PARP1: variants seen among roughly 807,000 people sequenced by gnomAD.
PARP1 encodes the protein poly(ADP-ribose) polymerase 1, also known as poly [ADP-ribose] polymerase 1.
PARP1 carries 44 observed loss-of-function variants against 118.7 expected under a neutral mutation model. That is an observed-to-expected ratio of 0.37 (90% confidence interval 0.29 to 0.48). PARP1 has a LOEUF of 0.48. PARP1 is among the 20% of genes least tolerant of loss of function. The pLI is 0.99. For missense variants in PARP1, 1,100 were observed against 1,272.4 expected, an observed-to-expected ratio of 0.86 and a Z score of 2.06; for synonymous variants, 492 against 483.2, an observed-to-expected ratio of 1.02 and a Z score of -0.24.
In PARP1 at chr1:226,402,203, T is replaced by C. The variant is rs1473721590; in HGVS notation, c.286+11A>G. 6.2e-7 allele frequency: 1 copy of C among 1,614,046 alleles called. No individual in the cohort carries two copies. On this transcript the variant is annotated intron_variant, in intron 2 of 22. Coordinates refer to ENST00000366794, the MANE Select transcript of PARP1 (RefSeq NM_001618.4). ...GGGCTGAATGCCCATGCTGCCCCAG[T>C]ATGTACACACCTGTCACTCCTCCAG...
chr1:226,390,504 C>G lies in PARP1; in HGVS notation c.523G>C (p.Glu175Gln), dbSNP rs765820369. ...CCCTTGAGCTGACTCGCACTGTACT[C>G]GGGCCGGAAACCCAGCTCCTCCCTG... ...KNREELGFRP[E>Q]YSASQLKGFS... Residue 175 changes from glutamate (E) to glutamine (Q), a missense_variant, in exon 4 of 23, where the codon GAG becomes CAG. By Grantham distance (29) the Glu-to-Gln change is conservative. Transcript: ENST00000366794. The G allele has an allele frequency of 1.2e-6, 2 of 1,614,082 alleles. No individual in the cohort carries two copies. The highest frequency in any genetic ancestry group is 2.7e-5 in the African/African-American group (2 of 74,920).
rs749448195 is a variant in PARP1, at chr1:226,390,529, G to A, written c.498C>T (p.Asn166=). 2.5e-6 allele frequency: 4 copies of A among 1,614,072 alleles called. No individual in the cohort carries two copies. In the African/African-American group the frequency reaches 4.0e-5, roughly 16 times the overall value. Residue 166 remains asparagine, a synonymous_variant, in exon 4 of 23, where the codon AAC becomes AAT. Transcript: ENST00000366794. ...CGGGCCGGAAACCCAGCTCCTCCCT[G>A]TTCTTGACAAAGCAGCCTGGATGGT... ...RWYHPGCFVK[N]REELGFRPEY...
At position 226,390,160 on chromosome 1, in the gene PARP1, A is replaced by T. The variant is rs1473335628; in HGVS notation, c.617+250T>A. 2.6e-5 allele frequency among the ~76,000 whole-genome samples: 4 copies of T among 152,166 alleles called. No individual in the cohort carries two copies. The East Asian group carries it at 7.7e-4, about 29-fold the overall frequency. ...GGAGCTCAGATGTTGGAAGGGGAATAGACCACCAGGAAGCAGGTCTCACAG... is the reference window on the plus strand; with the variant it reads ...GGAGCTCAGATGTTGGAAGGGGAATTGACCACCAGGAAGCAGGTCTCACAG... On this transcript the variant is annotated intron_variant, in intron 4 of 22. Coordinates refer to ENST00000366794, the MANE Select transcript of PARP1 (RefSeq NM_001618.4).
chr1:226,404,080 A>G (rs535329120), intron 1 of PARP1, among the ~76,000 whole-genome samples: 1 of 152,310 alleles, frequency 6.6e-6, no homozygotes, highest in East Asian at 1.9e-4. Context: ...GCACTCCCTC[A>G]GATCTCCCAA....
Position 226,408,092 on chromosome 1 carries a change from C to T in PARP1, c.-163G>A. The stretch of plus-strand genomic sequence containing the variant: ...GCCACCGCCGTTCCCTGATAGATTG[C>T]TGATGCCTGGCCGCGGGAACGCCCA... On this transcript the variant is annotated 5_prime_UTR_variant, in exon 1 of 23. Coordinates refer to ENST00000366794, the MANE Select transcript of PARP1 (RefSeq NM_001618.4). 5.9e-6 allele frequency: 6 copies of T among 1,019,998 alleles called. No individual in the cohort carries two copies. Among genetic ancestry groups the T allele is most frequent in the Non-Finnish European group, 8.5e-6 (6 of 702,974 alleles). 63.2% of individuals were successfully genotyped at this position (1,019,998 alleles called of 1,614,324 possible).
chr1:226,367,764 T>C lies in PARP1; in HGVS notation c.2278-156A>G, dbSNP rs534085116. The stretch of plus-strand genomic sequence containing the variant: ...GCCAGCCTGTTACCTGCTGCACATA[T>C]TGAGAGCTCATAAGGACTTTCTGGA... On this transcript the variant is annotated intron_variant, in intron 16 of 22. Transcript: ENST00000366794. Among the ~76,000 whole-genome samples the C allele has an allele frequency of 2.0e-5, 3 of 152,320 alleles. No individual in the cohort carries two copies. In the East Asian group the frequency reaches 5.8e-4, roughly 29 times the overall value.
At chr1:226,374,726 C>G (rs979406323) in intron 13 of PARP1, among the ~76,000 whole-genome samples, 4 of 152,202 alleles carry the variant, frequency 2.6e-5, no homozygotes, top group Non-Finnish European at 4.4e-5. Flanking sequence ...AACTTTGGAG[C>G]AATGGGACAT....
chr1:226,401,094 G>A (rs1399875936), intron 2 of PARP1, among the ~76,000 whole-genome samples: 1 of 152,214 alleles, frequency 6.6e-6, no homozygotes, highest in Non-Finnish European at 1.5e-5. Flanking sequence ...TAAGACATGG[G>A]AGAAGACATA....
chr1:226,406,705 C>A lies in PARP1; in HGVS notation c.120+1105G>T, dbSNP rs9282579. ...GTGCTTAGAACTTAAAAAATGCCTACCAAATAAGCACTGTGTGCCACGTAC... is the reference window on the plus strand; with the variant it reads ...GTGCTTAGAACTTAAAAAATGCCTAACAAATAAGCACTGTGTGCCACGTAC... On this transcript the variant is annotated intron_variant, in intron 1 of 22. Coordinates refer to ENST00000366794, the MANE Select transcript of PARP1 (RefSeq NM_001618.4). 8.1e-3 allele frequency among the ~76,000 whole-genome samples: 1,227 copies of A among 152,298 alleles called. 11 individuals carry two copies. Among genetic ancestry groups the A allele is most frequent in the Middle Eastern group, 0.027 (8 of 294 alleles).
intron 9 of PARP1, among the ~76,000 whole-genome samples, chr1:226,380,688 T>C (rs1664587050): frequency 6.6e-6 from 1 of 152,190 alleles, no homozygotes; most frequent in South Asian, 2.1e-4. Context: ...CTTAAAATAC[T>C]TGCTTCATAT....
chr1:226,404,582 T>A (rs927024044), intron 1 of PARP1, among the ~76,000 whole-genome samples: 3 of 152,202 alleles, frequency 2.0e-5, no homozygotes, highest in Non-Finnish European at 2.9e-5. Flanking sequence ...CTGGAGGTGC[T>A]GCCCAATGGT....
In PARP1 at chr1:226,368,372, C is replaced by T. The variant is rs562895822; in HGVS notation, c.2155-51G>A. 204 of 1,612,780 alleles carry T rather than the reference C, an allele frequency of 1.3e-4. 3 individuals are homozygous for T. The South Asian group carries it at 2.1e-3, about 17-fold the overall frequency. Reference sequence around the variant, plus strand: ...GCAAGACTGAGGGAGCAGCTCCAAGCCCCCGGCCAGGCTTTCTCTTTTAGC... The same window carrying T: ...GCAAGACTGAGGGAGCAGCTCCAAGTCCCCGGCCAGGCTTTCTCTTTTAGC... On this transcript the variant is annotated intron_variant, in intron 15 of 22. Transcript: ENST00000366794.
At chr1:226,384,022 G>A (rs1224257285) in intron 7 of PARP1, among the ~76,000 whole-genome samples, 1 of 152,218 alleles carries the variant, frequency 6.6e-6, no homozygotes, top group Non-Finnish European at 1.5e-5. Flanking sequence ...ATCAGCTATA[G>A]GAAGGTGAAC....
rs1360722722 is a variant in PARP1, at chr1:226,402,361, T to C, written c.139A>G (p.Lys47Glu). 3.1e-6 allele frequency: 5 copies of C among 1,613,448 alleles called. No individual in the cohort carries two copies. The highest frequency in any genetic ancestry group is 1.3e-5 in the African/African-American group (1 of 74,928). Residue 47 changes from lysine (K) to glutamate (E), a missense_variant, in exon 2 of 23, where the codon AAA becomes GAA. This residue lies in a region of PARP1 where 948 missense variants were observed against 1,031.8 expected (regional missense o/e 0.92). Coordinates refer to ENST00000366794, the MANE Select transcript of PARP1 (RefSeq NM_001618.4). ...GAGAAGTGGTACCAGTGTGGGACTT[T>C]TCCATCAAACATGGGCGACTAGAAG... ...IMVQSPMFDG[K>E]VPHWYHFSCF...
intron 14 of PARP1, 22 bp from the exon 15 acceptor site, chr1:226,370,539 C>G (rs1401304813): frequency 6.3e-7 from 1 of 1,594,890 alleles, no homozygotes; most frequent in Admixed American, 1.7e-5. Flanking sequence ...GGGGATTTCG[C>G]TCTGAAAGCT....
chr1:226,366,702 A>G (rs1664271242), intron 17 of PARP1: 1 of 156,564 alleles, frequency 6.4e-6, no homozygotes. Context: ...TTTTCCCATC[A>G]GGAAGGTGCT....
Position 226,383,192 on chromosome 1 carries a change from T to C in PARP1, c.1012-9A>G. ...GAGATTTCTCGGAATTCCTAAAAAA[T>C]ATTAAGTTTTAGTTAAGAAGCCAGC... On this transcript the variant is annotated splice_polypyrimidine_tract_variant and intron_variant, in intron 7 of 22. Coordinates refer to ENST00000366794, the MANE Select transcript of PARP1 (RefSeq NM_001618.4). The C allele has an allele frequency of 6.2e-7, 1 of 1,612,002 alleles. No homozygotes were observed. Among genetic ancestry groups the C allele is most frequent in the African/African-American group, 1.3e-5 (1 of 75,004 alleles).
At chr1:226,397,153 TAAAAAAAAAAA>T (rs3046773) in intron 2 of PARP1, among the ~76,000 whole-genome samples, 1 of 126,170 alleles carries the variant, frequency 7.9e-6, no homozygotes, top group South Asian at 2.6e-4. Context: ...GTCTCTATCT[TAAAAAAAAAAA>T]AAAAAAAAAA....
rs566645242 is a variant in PARP1, at chr1:226,385,484, G to A, written c.1011+20C>T. The stretch of plus-strand genomic sequence containing the variant: ...AGGTTTTTCTCCCAACAGATCCCAG[G>A]ATCTTCCCCTACCCCTTACCTTTGG... On this transcript the variant is annotated intron_variant, in intron 7 of 22. Coordinates refer to ENST00000366794, the MANE Select transcript of PARP1 (RefSeq NM_001618.4). 6.2e-7 allele frequency: 1 copy of A among 1,611,960 alleles called. No homozygotes were observed. Among genetic ancestry groups the A allele is most frequent in the South Asian group, 1.1e-5 (1 of 91,038 alleles).
Sources: gnomAD v4.1 joint callset for allele counts (sites outside exome capture counted in the v4.1 genomes callset) on GRCh38, gnomAD v4.1.1 for gene constraint, gnomAD v4.1.1 regional missense constraint, MANE v1.5 for transcripts, NCBI Gene and HGNC (gene_info 2026-07-23, HGNC 2026-07-21) for gene names.